Variants in PCDH15 observed in about 807,000 individuals in gnomAD.
PCDH15 encodes protocadherin-15.
Under a neutral mutation model 178.5 loss-of-function variants are expected in PCDH15, and 129 were observed. That is an observed-to-expected ratio of 0.72 (90% CI 0.63 to 0.84). The LOEUF is 0.84. Among genes scored for constraint, PCDH15 ranks in the 40% least tolerant of loss-of-function variants. PCDH15 has a pLI of 0.00. For missense variants in PCDH15, 2,230 were observed against 2,099.9 expected (o/e 1.06, Z -1.21); for synonymous variants, 800 against 732.0 (o/e 1.09, Z -1.50).
chr10:53,956,586 C>A (rs1354666044), intron 23 of PCDH15, among the ~76,000 whole-genome samples: 5 of 152,112 alleles, frequency 3.3e-5, no homozygotes, highest in African/African-American at 4.8e-5. Flanking sequence ...TCAAGTACTA[C>A]TAAATGCATT....
At chr10:53,877,031 GA>G (rs1196828216) in intron 26 of PCDH15, among the ~76,000 whole-genome samples, 3 of 152,120 alleles carry the variant, frequency 2.0e-5, no homozygotes, top group East Asian at 3.9e-4. Flanking sequence ...AGAAACTAAA[GA>G]AAAGCCAAAT....
At chr10:53,828,764 G>A (rs939487712) in intron 30 of PCDH15, among the ~76,000 whole-genome samples, 191 bp from the exon 31 acceptor site, 1 of 152,020 alleles carries the variant, frequency 6.6e-6, no homozygotes, top group African/African-American at 2.4e-5. Flanking sequence ...GTTACCGTTA[G>A]AGTCATTCAA....
chr10:53,993,362 T>TAGTA (rs1449364947), intron 21 of PCDH15, among the ~76,000 whole-genome samples: 2 of 152,202 alleles, frequency 1.3e-5, no homozygotes, highest in African/African-American at 2.4e-5. Flanking sequence ...GTAGCAGGCT[T>TAGTA]AGAGTTAGAC....
intron 1 of PCDH15, among the ~76,000 whole-genome samples, chr10:55,242,581 A>G (rs1841577687): frequency 6.6e-6 from 1 of 152,114 alleles, no homozygotes; most frequent in Non-Finnish European, 1.5e-5. Context: ...GCTCATGTCT[A>G]TAATCCTATT....
intron 8 of PCDH15, among the ~76,000 whole-genome samples, chr10:54,297,309 C>T (rs775950686): frequency 2.6e-5 from 4 of 152,082 alleles, no homozygotes; most frequent in Non-Finnish European, 5.9e-5. Context: ...AAAGGCAGCT[C>T]ATTTTTTTCT....
At chr10:54,297,837 G>A (rs1179157783) in intron 8 of PCDH15, among the ~76,000 whole-genome samples, 2 of 152,176 alleles carry the variant, frequency 1.3e-5, no homozygotes, top group Non-Finnish European at 2.9e-5. Flanking sequence ...TTATTGGAAA[G>A]ATGTCATGCT....
chr10:54,586,959 A>G (rs546754321), intron 2 of PCDH15, among the ~76,000 whole-genome samples: 319 of 152,296 alleles, frequency 2.1e-3, no homozygotes, highest in African/African-American at 7.2e-3. Flanking sequence ...ACAGATACTC[A>G]GTACATATTT....
intron 3 of PCDH15, among the ~76,000 whole-genome samples, chr10:54,873,380 G>C (rs557048250): frequency 1.9e-4 from 29 of 151,644 alleles, no homozygotes; most frequent in Non-Finnish European, 3.4e-4. Context: ...GGGTTAAGTA[G>C]CTTCTACAAA....
intron 2 of PCDH15, among the ~76,000 whole-genome samples, chr10:55,083,852 A>G (rs1842100819): frequency 6.6e-6 from 1 of 151,838 alleles, no homozygotes; most frequent in Admixed American, 6.6e-5. Context: ...CCAGAAATAA[A>G]CTTAACCAAA....
chr10:54,836,150 C>T (rs1953312283), intron 3 of PCDH15, among the ~76,000 whole-genome samples: 1 of 152,142 alleles, frequency 6.6e-6, no homozygotes, highest in Non-Finnish European at 1.5e-5. Context: ...GTCTAAACGT[C>T]TGCAGAGAAG....
chr10:54,059,995 T>G (rs2093980368), intron 18 of PCDH15, among the ~76,000 whole-genome samples: 1 of 152,246 alleles, frequency 6.6e-6, no homozygotes, highest in Non-Finnish European at 1.5e-5. Flanking sequence ...CTAGCTGGAC[T>G]TATTTTAAGA....
intron 2 of PCDH15, among the ~76,000 whole-genome samples, chr10:55,573,204 G>A (rs1842438915): frequency 6.6e-6 from 1 of 151,960 alleles, no homozygotes; most frequent in African/African-American, 2.4e-5. Flanking sequence ...AAAATTAGAT[G>A]ACAAAAATTC....
rs991475515 is a variant in PCDH15, at chr10:53,906,317, G to A, written c.3374-2947C>T. Among the ~76,000 whole-genome samples, 4 of 151,740 alleles carry A rather than the reference G, an allele frequency of 2.6e-5. 1 individual carries two copies. The highest frequency in any genetic ancestry group is 2.9e-5 in the Non-Finnish European group (2 of 67,946). ...TTGTTATGTATCCCTCCTTTGAAAT[G>A]CTATAGTGCACTAAAAATGTTTCTT... On this transcript the variant is annotated intron_variant, in intron 25 of 37. Transcript: ENST00000644397.
At chr10:54,133,640 A>G (rs901784526) in intron 14 of PCDH15, among the ~76,000 whole-genome samples, 6 of 152,210 alleles carry the variant, frequency 3.9e-5, no homozygotes, top group Non-Finnish European at 7.3e-5. Context: ...CTTTTCTTGA[A>G]GGACAAGATA....
chr10:54,192,070 A>T (rs2049059131), intron 11 of PCDH15, among the ~76,000 whole-genome samples: 1 of 150,386 alleles, frequency 6.6e-6, no homozygotes, highest in African/African-American at 2.4e-5. Flanking sequence ...GGCAGGCAGA[A>T]GGAAAGAAGA....
chr10:54,660,033 A>T (rs2094467035), intron 2 of PCDH15, among the ~76,000 whole-genome samples: 1 of 152,114 alleles, frequency 6.6e-6, no homozygotes, highest in African/African-American at 2.4e-5. Flanking sequence ...AACTAGGAAC[A>T]TAAGAACAAA....
chr10:54,972,102 A>C (rs538560370), intron 2 of PCDH15, among the ~76,000 whole-genome samples: 1 of 152,334 alleles, frequency 6.6e-6, no homozygotes, highest in South Asian at 2.1e-4. Context: ...ACGGGGCTTC[A>C]AAAAGGGAAA....
At chr10:53,921,033 C>G (rs949517225) in intron 25 of PCDH15, among the ~76,000 whole-genome samples, 2 of 152,180 alleles carry the variant, frequency 1.3e-5, no homozygotes, top group African/African-American at 4.8e-5. Flanking sequence ...TTAACTACAA[C>G]TACTTAGTGT....
chr10:54,573,602 G>T (rs1242351343), intron 2 of PCDH15, among the ~76,000 whole-genome samples: 1 of 152,094 alleles, frequency 6.6e-6, no homozygotes, highest in Non-Finnish European at 1.5e-5. Context: ...TTTCCAAATT[G>T]AAAAGCCATG....
Sources: allele counts gnomAD v4.1 joint callset (sites outside exome capture counted in the v4.1 genomes callset), GRCh38; gene constraint gnomAD v4.1.1; transcripts MANE v1.5; gene names NCBI Gene and HGNC (gene_info 2026-07-23, HGNC 2026-07-21).